CMTR1: variants seen among roughly 807,000 people sequenced by gnomAD.
The protein encoded by CMTR1 is cap methyltransferase 1, also known as cap-specific mRNA (nucleoside-2'-O-)-methyltransferase 1.
A neutral mutation model predicts 107.0 loss-of-function variants in CMTR1; 39 were observed. The observed-to-expected ratio is 0.36, with a 90% CI of 0.28 to 0.48. The LOEUF is 0.48. Among genes scored for constraint, CMTR1 ranks in the 20% least tolerant of loss-of-function variants. The probability of loss-of-function intolerance (pLI) is 0.99; values close to 1 mark genes in which losing one functional copy is unlikely to be tolerated. For missense variants in CMTR1, 672 were observed against 1,064.9 expected (o/e 0.63, Z 5.14); for synonymous variants, 366 against 379.5 (o/e 0.96, Z 0.41).
At position 37,477,972 on chromosome 6, in the gene CMTR1, A is replaced by G. The variant is rs114408727; in HGVS notation, c.2153+333A>G. On this transcript the variant is annotated intron_variant, in intron 21 of 23. Coordinates refer to ENST00000373451, the MANE Select transcript of CMTR1 (RefSeq NM_015050.3). ...CCATAAATCCCAGCTCCCGCTGCTG[A>G]GAGAGAAATTGAGCCTGGAGGGGTA... 4.9e-3 allele frequency among the ~76,000 whole-genome samples: 748 copies of G among 152,304 alleles called. 3 individuals are homozygous for G. Among genetic ancestry groups the G allele is most frequent in the African/African-American group, 0.017 (722 of 41,552 alleles).
chr6:37,451,704 A>G, intron 5 of CMTR1, 102 bp from the exon 6 acceptor site: 1 of 802,438 alleles, frequency 1.2e-6, no homozygotes, highest in Non-Finnish European at 2.1e-6. Context: ...CAGAGAACCA[A>G]GTCCCTTCTT....
chr6:37,477,519 G>A, intron 20 of CMTR1, 73 bp from the exon 21 acceptor site: 2 of 1,398,462 alleles, frequency 1.4e-6, no homozygotes, highest in South Asian at 2.3e-5. Flanking sequence ...GCAGTCTCCT[G>A]CCTCCCAGCT....
rs757054375 is a variant in CMTR1, at chr6:37,479,128, C to T, written c.2267-19C>T. ...GCTTTGTGTCCCTTCTGGGCTTCAT[C>T]CCCTCTTCCTCCCATCAGAGCCCTG... is the stretch of plus-strand genomic sequence containing the variant. On this transcript the variant is annotated intron_variant, in intron 22 of 23. Coordinates refer to ENST00000373451, the MANE Select transcript of CMTR1 (RefSeq NM_015050.3). 4 of 1,576,104 alleles carry T rather than the reference C, an allele frequency of 2.5e-6. No homozygotes were observed. In the Admixed American group the frequency reaches 5.0e-5, roughly 20 times the overall value.
intron 13 of CMTR1, among the ~76,000 whole-genome samples, chr6:37,464,480 A>AG (rs1445325462): frequency 1.3e-5 from 2 of 151,862 alleles, no homozygotes; most frequent in African/African-American, 4.8e-5. Context: ...AAAAAAAAAA[A>AG]AGATAAAAAA....
chr6:37,480,788 G>A lies in CMTR1; in HGVS notation c.*643G>A. The A allele has an allele frequency of 9.1e-7, 1 of 1,101,940 alleles. No homozygotes were observed. The highest frequency in any genetic ancestry group is 1.7e-5 in the African/African-American group (1 of 59,836). 68.3% of individuals were successfully genotyped at this position (1,101,940 alleles called of 1,614,324 possible). On this transcript the variant is annotated 3_prime_UTR_variant, in exon 24 of 24. Coordinates refer to ENST00000373451, the MANE Select transcript of CMTR1 (RefSeq NM_015050.3). ...AGCAGGGTGGGAAGGAGGGAGTTTG[G>A]GCAAACTCTCATCCCTGATACCACA...
intron 5 of CMTR1, 118 bp from the exon 6 acceptor site, chr6:37,451,688 T>G: frequency 1.4e-6 from 1 of 707,428 alleles, no homozygotes; most frequent in Non-Finnish European, 2.5e-6. Context: ...GATTGATGTT[T>G]CTTGGCAGAG....
At chr6:37,451,165 T>C (rs2646927) in intron 5 of CMTR1, among the ~76,000 whole-genome samples, 150,198 of 152,244 alleles carry the variant, frequency 0.99, 74,102 homozygotes, top group Middle Eastern at 1. Context: ...GTTTTGATTT[T>C]TAATAATATA....
the CMTR1 span, among the ~76,000 whole-genome samples, chr6:37,425,589 C>G: frequency 6.6e-6 from 1 of 152,080 alleles, no homozygotes; most frequent in African/African-American, 2.4e-5. Flanking sequence ...CACGTTTTAG[C>G]AATATATTCT....
At chr6:37,433,144 C>G (rs377154021), upstream of CMTR1, 2 of 152,696 alleles carry the variant, frequency 1.3e-5, no homozygotes, top group East Asian at 3.8e-4. Flanking sequence ...CCTCAGCTGC[C>G]TTTCCCGGGG....
chr6:37,459,247 C>T (rs1340904719), intron 9 of CMTR1, among the ~76,000 whole-genome samples: 1 of 152,272 alleles, frequency 6.6e-6, no homozygotes, highest in East Asian at 1.9e-4. Context: ...TGTAATTTGA[C>T]AGCAAATCCT....
rs71542111 is a variant in CMTR1, at chr6:37,449,271, T to TTGTTATGTTATGTTATGTTATGTTA, written c.445-958_445-934dup. Among the ~76,000 whole-genome samples the TTGTTATGTTATGTTATGTTATGTTA allele has an allele frequency of 7.0e-3, 1,020 of 145,356 alleles. 12 individuals are homozygous for TTGTTATGTTATGTTATGTTATGTTA. Among genetic ancestry groups the TTGTTATGTTATGTTATGTTATGTTA allele is most frequent in the Admixed American group, 0.014 (204 of 14,310 alleles). ...CCAGGCATCAGTACTATTTTATGTT[T>TTGTTATGTTATGTTATGTTATGTTA]TGTTATGTTATGTTATGTTATGTTA... On this transcript the variant is annotated intron_variant, in intron 4 of 23. Transcript: ENST00000373451.
chr6:37,444,955 G>A (rs1771753741), intron 3 of CMTR1, among the ~76,000 whole-genome samples: 1 of 152,170 alleles, frequency 6.6e-6, no homozygotes, highest in South Asian at 2.1e-4. Context: ...GAACCTGAGA[G>A]GTGGAGCTTG....
chr6:37,458,827 G>A lies in CMTR1; in HGVS notation c.976+17G>A. 6.2e-7 allele frequency: 1 copy of A among 1,612,856 alleles called. No homozygotes were observed. The highest frequency in any genetic ancestry group is 8.5e-7 in the Non-Finnish European group (1 of 1,179,428). On this transcript the variant is annotated intron_variant, in intron 9 of 23. Coordinates refer to ENST00000373451, the MANE Select transcript of CMTR1 (RefSeq NM_015050.3). The surrounding 1 kb of genome is among the most constrained non-coding windows in gnomAD (Gnocchi z 4.7). ...CCTACTATGGTAGGGACATTGAGGAGGGTACTAGGAGGTATGAGGGACAGC... is the reference window on the plus strand; with the variant it reads ...CCTACTATGGTAGGGACATTGAGGAAGGTACTAGGAGGTATGAGGGACAGC...
At chr6:37,471,397 G>A (rs567300978) in intron 14 of CMTR1, among the ~76,000 whole-genome samples, 58 of 152,296 alleles carry the variant, frequency 3.8e-4, no homozygotes, top group African/African-American at 1.3e-3. Context: ...AGTAAAGAGT[G>A]ATCAAGAGAG....
chr6:37,427,371 T>A, the CMTR1 span, among the ~76,000 whole-genome samples: 2 of 152,198 alleles, frequency 1.3e-5, no homozygotes, highest in Non-Finnish European at 2.9e-5. This position sits in a 1 kb window ranked among gnomAD's most constrained non-coding sequence, Gnocchi z 4.4. Context: ...TTATGGAAGA[T>A]TATATTTCAG....
At chr6:37,445,048 AATATT>A (rs1474632149) in intron 3 of CMTR1, among the ~76,000 whole-genome samples, 1 of 152,184 alleles carries the variant, frequency 6.6e-6, no homozygotes, top group Non-Finnish European at 1.5e-5. Context: ...AAAAGAAAGA[AATATT>A]ATAGTTGACC....
At chr6:37,452,923 A>G (rs1761214829) in intron 6 of CMTR1, 124 bp from the exon 7 acceptor site, 1 of 811,028 alleles carries the variant, frequency 1.2e-6, no homozygotes, top group East Asian at 2.4e-5. Flanking sequence ...ACACAGTGAG[A>G]CATTTCAGAG....
intron 8 of CMTR1, among the ~76,000 whole-genome samples, chr6:37,456,198 T>C (rs932049724): frequency 6.6e-6 from 1 of 152,228 alleles, no homozygotes; most frequent in Non-Finnish European, 1.5e-5. Context: ...TTGCAGTATG[T>C]GTAGGGCTAA....
At chr6:37,465,298 A>C (rs1389285853) in intron 13 of CMTR1, among the ~76,000 whole-genome samples, 1 of 151,982 alleles carries the variant, frequency 6.6e-6, no homozygotes, top group African/African-American at 2.4e-5. Context: ...ATATAAAAAC[A>C]ATAGAACAAT....
Sources: allele counts gnomAD v4.1 joint callset (sites outside exome capture counted in the v4.1 genomes callset), GRCh38; gene constraint gnomAD v4.1.1; non-coding constraint Gnocchi (gnomAD v3.1); transcripts MANE v1.5; gene names NCBI Gene and HGNC (gene_info 2026-07-23, HGNC 2026-07-21).